DTNBP1: variants seen among roughly 807,000 people sequenced by gnomAD.
DTNBP1 encodes the protein dystrobrevin binding protein 1.
Under a neutral mutation model 42.8 loss-of-function variants are expected in DTNBP1, and 35 were observed. That is an observed-to-expected ratio of 0.82 (90% CI 0.63 to 1.09). The LOEUF is 1.09. Ranked by LOEUF, DTNBP1 falls within the 50% of genes least tolerant of loss-of-function variation. The pLI, the probability that DTNBP1 is intolerant of heterozygous loss-of-function variation, is 0.00. For missense variants in DTNBP1, 457 were observed against 424.2 expected, an observed-to-expected ratio of 1.08 and a Z score of -0.68; for synonymous variants, 171 against 162.2, an observed-to-expected ratio of 1.05 and a Z score of -0.41.
intron 7 of DTNBP1, among the ~76,000 whole-genome samples, chr6:15,589,411 C>T (rs1421105188): frequency 2.0e-5 from 3 of 152,224 alleles, no homozygotes; most frequent in African/African-American, 7.2e-5. Flanking sequence ...CTGTACCATT[C>T]AGCCTGCTTA....
chr6:15,576,446 C>T (rs915768156), intron 7 of DTNBP1, among the ~76,000 whole-genome samples: 1 of 151,110 alleles, frequency 6.6e-6, no homozygotes. Flanking sequence ...AACTTCTATT[C>T]ATGTCAAGTG....
At chr6:15,617,509 T>TA (rs1313977740) in intron 5 of DTNBP1, among the ~76,000 whole-genome samples, 2 of 152,104 alleles carry the variant, frequency 1.3e-5, no homozygotes, top group Non-Finnish European at 2.9e-5. Context: ...AGCATGATGC[T>TA]AGCATAAAAA....
chr6:15,582,345 T>C (rs1581356691), intron 7 of DTNBP1, among the ~76,000 whole-genome samples: 2 of 152,182 alleles, frequency 1.3e-5, no homozygotes, highest in East Asian at 3.8e-4. Flanking sequence ...GGTGACTTGT[T>C]TAACTCTCTA....
At chr6:15,624,522 C>T (rs1759227617) in intron 5 of DTNBP1, among the ~76,000 whole-genome samples, 1 of 152,146 alleles carries the variant, frequency 6.6e-6, no homozygotes, top group South Asian at 2.1e-4. Context: ...GTCCAAATTG[C>T]TCACATAACA....
In DTNBP1 at chr6:15,662,998, G is replaced by C; in HGVS notation, c.-129C>G. ...CACTCCCACTACCGGCCCCGCCCCCGGTCTGGTCCTCGCCGCCGCGCCGCA... is the reference window on the plus strand; with the variant it reads ...CACTCCCACTACCGGCCCCGCCCCCCGTCTGGTCCTCGCCGCCGCGCCGCA... On this transcript the variant is annotated 5_prime_UTR_variant, in exon 1 of 10. Coordinates refer to ENST00000344537, the MANE Select transcript of DTNBP1 (RefSeq NM_032122.5). 1 of 1,347,870 alleles carries C rather than the reference G, an allele frequency of 7.4e-7. No homozygotes were observed. Among genetic ancestry groups the C allele is most frequent in the Non-Finnish European group, 1.0e-6 (1 of 975,204 alleles). The allele number at this position is 1,347,870 out of a possible 1,614,324, so 83.5% of individuals were successfully genotyped here.
At chr6:15,531,836 G>A (rs1354109720) in intron 8 of DTNBP1, among the ~76,000 whole-genome samples, 1 of 152,186 alleles carries the variant, frequency 6.6e-6, no homozygotes, top group Non-Finnish European at 1.5e-5. Flanking sequence ...GTTTCACCAT[G>A]TTGGCCAGGA....
intron 5 of DTNBP1, among the ~76,000 whole-genome samples, chr6:15,622,440 C>T (rs1448034756): frequency 2.0e-5 from 3 of 152,064 alleles, no homozygotes; most frequent in South Asian, 2.1e-4. Flanking sequence ...CAAGTACATA[C>T]GTAATGTGTA....
At chr6:15,530,885 C>T (rs1054670993) in intron 8 of DTNBP1, among the ~76,000 whole-genome samples, 18 of 152,192 alleles carry the variant, frequency 1.2e-4, no homozygotes, top group Admixed American at 6.5e-4. Flanking sequence ...ATGTGTGGGT[C>T]GGCCAGGGTG....
chr6:15,609,265 T>C (rs1758257689), intron 6 of DTNBP1, among the ~76,000 whole-genome samples: 1 of 151,974 alleles, frequency 6.6e-6, no homozygotes, highest in Non-Finnish European at 1.5e-5. Context: ...GTCTCATAAA[T>C]ACAAAATGGG....
chr6:15,593,103 G>C (rs761590479), intron 6 of DTNBP1, 22 bp from the exon 7 acceptor site: 1 of 1,376,310 alleles, frequency 7.3e-7, no homozygotes, highest in Non-Finnish European at 9.8e-7. Flanking sequence ...AAAAAAAAAA[G>C]ACAAGACAAT....
intron 7 of DTNBP1, chr6:15,585,790 A>G: frequency 6.5e-7 from 1 of 1,526,804 alleles, no homozygotes; most frequent in Non-Finnish European, 8.8e-7. Flanking sequence ...AGTGAACAGA[A>G]GCTCAGTGCT....
intron 5 of DTNBP1, among the ~76,000 whole-genome samples, chr6:15,624,850 A>C (rs1328570659): frequency 6.6e-6 from 1 of 152,194 alleles, no homozygotes; most frequent in Middle Eastern, 3.2e-3. Context: ...AAGCATTTAA[A>C]ACACTAAATG....
intron 7 of DTNBP1, chr6:15,546,060 G>GTTTTT: frequency 2.8e-6 from 1 of 354,210 alleles, no homozygotes; most frequent in East Asian, 8.9e-5. Context: ...GTCACCTCCA[G>GTTTTT]TTCTTTTTTT....
At chr6:15,555,461 G>C (rs1774459065) in intron 7 of DTNBP1, among the ~76,000 whole-genome samples, 1 of 152,068 alleles carries the variant, frequency 6.6e-6, no homozygotes, top group Non-Finnish European at 1.5e-5. Context: ...AGGTAATAAA[G>C]ACCCTGCTGA....
At chr6:15,570,020 T>C (rs1473520775) in intron 7 of DTNBP1, among the ~76,000 whole-genome samples, 1 of 152,182 alleles carries the variant, frequency 6.6e-6, no homozygotes, top group Non-Finnish European at 1.5e-5. Flanking sequence ...CATGCGTATG[T>C]ATACCTGTGT....
At chr6:15,586,333 A>G (rs1776078540) in intron 7 of DTNBP1, among the ~76,000 whole-genome samples, 1 of 152,094 alleles carries the variant, frequency 6.6e-6, no homozygotes, top group East Asian at 1.9e-4. Flanking sequence ...AAGTATCTTA[A>G]GTCATCAATT....
At chr6:15,523,836 G>A in intron 9 of DTNBP1, 1 of 1,287,172 alleles carries the variant, frequency 7.8e-7, no homozygotes, top group Non-Finnish European at 1.0e-6. Flanking sequence ...CAGATTGCCA[G>A]GAGAAGCGGG....
intron 7 of DTNBP1, among the ~76,000 whole-genome samples, chr6:15,581,157 A>AAGGGGAGACTGCC (rs1326117943): frequency 2.6e-5 from 4 of 152,144 alleles, no homozygotes; most frequent in Admixed American, 2.6e-4. Context: ...AGAAGTAGAA[A>AAGGGGAGACTGCC]AGGGGAGACT....
intron 7 of DTNBP1, among the ~76,000 whole-genome samples, chr6:15,536,262 C>T (rs1392426075): frequency 6.6e-6 from 1 of 152,246 alleles, no homozygotes; most frequent in Non-Finnish European, 1.5e-5. Context: ...ATGTTAAGTG[C>T]CAAGACAATG....
Sources: allele counts gnomAD v4.1 joint callset (sites outside exome capture counted in the v4.1 genomes callset), GRCh38; gene constraint gnomAD v4.1.1; transcripts MANE v1.5; gene names NCBI Gene and HGNC (gene_info 2026-07-23, HGNC 2026-07-21).